The following DAAM1 variants were observed in gnomAD, a reference collection of about 807,000 sequenced individuals.
The protein encoded by DAAM1 is dishevelled associated activator of morphogenesis 1, also known as disheveled-associated activator of morphogenesis 1.
DAAM1 carries 52 observed loss-of-function variants against 130.0 expected under a neutral mutation model. The ratio of observed to expected loss-of-function variants is 0.40; its 90% CI spans 0.32 to 0.50. The LOEUF is 0.50. Ranked by LOEUF, DAAM1 falls within the 20% of genes least tolerant of loss-of-function variation. The probability of loss-of-function intolerance (pLI) is 0.61; values close to 1 mark genes in which losing one functional copy is unlikely to be tolerated. For missense variants in DAAM1, 1,134 were observed against 1,303.8 expected (o/e 0.87, Z 2.01); for synonymous variants, 452 against 444.5 (o/e 1.02, Z -0.21).
intron 2 of DAAM1, among the ~76,000 whole-genome samples, chr14:59,270,666 A>G (rs190742929): frequency 2.6e-5 from 4 of 152,282 alleles, no homozygotes; most frequent in African/African-American, 7.2e-5. Context: ...TCCTCTGGCT[A>G]CTTTAATTTT....
Position 59,224,691 on chromosome 14 carries a change from G to T in DAAM1, c.-38+35923G>T, listed in dbSNP as rs555975708. Among the ~76,000 whole-genome samples the T allele has an allele frequency of 5.3e-5, 8 of 152,232 alleles. No homozygotes were observed. The East Asian group carries it at 1.2e-3, about 22-fold the overall frequency. On this transcript the variant is annotated intron_variant, in intron 1 of 24. Coordinates refer to ENST00000360909, the MANE Select transcript of DAAM1 (RefSeq NM_001270520.2). ...GAGGTGGAATTAATGTATTTTGCAC[G>T]TGAGAAAAACATGAATTTTGGAGGG...
chr14:59,191,527 C>T (rs764466934), intron 1 of DAAM1, among the ~76,000 whole-genome samples: 5 of 152,072 alleles, frequency 3.3e-5, no homozygotes, highest in Non-Finnish European at 7.4e-5. Context: ...TGGTAATATT[C>T]CCCTTAGCTT....
At chr14:59,360,269 T>C (rs918008461) in intron 21 of DAAM1, among the ~76,000 whole-genome samples, 1 of 152,138 alleles carries the variant, frequency 6.6e-6, no homozygotes, top group African/African-American at 2.4e-5. Context: ...CCTTTCTCTA[T>C]TAAAAAAAAG....
chr14:59,305,354 T>C (rs1220958761), intron 3 of DAAM1, among the ~76,000 whole-genome samples: 1 of 152,256 alleles, frequency 6.6e-6, no homozygotes, highest in African/African-American at 2.4e-5. Flanking sequence ...ATATTTCTTT[T>C]TCTTTGCCAT....
intron 1 of DAAM1, among the ~76,000 whole-genome samples, chr14:59,259,264 C>G (rs1397962816): frequency 6.6e-6 from 1 of 152,122 alleles, no homozygotes; most frequent in Non-Finnish European, 1.5e-5. Context: ...AGACCCAGAC[C>G]TCGATTTACA....
chr14:59,349,072 C>T (rs1012583505), intron 17 of DAAM1, among the ~76,000 whole-genome samples: 1 of 152,230 alleles, frequency 6.6e-6, no homozygotes, highest in South Asian at 2.1e-4. Context: ...ACGTACCCTT[C>T]CCTCCCTTGC....
At chr14:59,318,664 A>G (rs1311648071) in intron 4 of DAAM1, among the ~76,000 whole-genome samples, 6 of 152,126 alleles carry the variant, frequency 3.9e-5, no homozygotes, top group Admixed American at 3.9e-4. Flanking sequence ...ATCCTCAGTT[A>G]TCTCAGCACG....
chr14:59,205,150 C>T (rs962576673), intron 1 of DAAM1, among the ~76,000 whole-genome samples: 2 of 152,182 alleles, frequency 1.3e-5, no homozygotes, highest in Non-Finnish European at 2.9e-5. Context: ...ACTCTTGTTA[C>T]AGCATGATTT....
rs762906405 is a variant in DAAM1, at chr14:59,359,539, C to T, written c.2633+35C>T. ...TACAGTGAGTGTTAGTTTCTTAAAT[C>T]ACTTGGATTGTGTGTTAGCCATTGA... On this transcript the variant is annotated intron_variant, in intron 21 of 24. Transcript: ENST00000360909. 6 of 1,536,308 alleles carry T rather than the reference C, an allele frequency of 3.9e-6. No homozygotes were observed. In the South Asian group the frequency reaches 5.6e-5, roughly 14 times the overall value.
intron 1 of DAAM1, among the ~76,000 whole-genome samples, chr14:59,209,528 A>ATT (rs1888364796): frequency 1.3e-5 from 2 of 152,202 alleles, no homozygotes; most frequent in Non-Finnish European, 1.5e-5. Context: ...TGTACTTTGA[A>ATT]TACCCATACA....
At chr14:59,248,080 GGTAA>G (rs1265977103) in intron 1 of DAAM1, among the ~76,000 whole-genome samples, 1 of 152,108 alleles carries the variant, frequency 6.6e-6, no homozygotes, top group East Asian at 1.9e-4. Flanking sequence ...ACTCTGGCTT[GGTAA>G]GTGAGTAGGA....
intron 1 of DAAM1, among the ~76,000 whole-genome samples, chr14:59,199,559 G>C (rs1171869628): frequency 6.6e-6 from 1 of 152,182 alleles, no homozygotes; most frequent in East Asian, 1.9e-4. Flanking sequence ...CCACACTCTA[G>C]TGCCTAATGC....
chr14:59,258,551 C>T (rs1882013979), intron 1 of DAAM1, among the ~76,000 whole-genome samples: 2 of 152,154 alleles, frequency 1.3e-5, no homozygotes, highest in Non-Finnish European at 2.9e-5. Context: ...CATATTAAAT[C>T]ATATATACTG....
At chr14:59,331,614 A>T in intron 14 of DAAM1, 106 bp downstream of exon 14, 1 of 1,510,988 alleles carries the variant, frequency 6.6e-7, no homozygotes, top group Non-Finnish European at 8.8e-7. Context: ...TTCATTTTCT[A>T]ATGTGGACCA....
intron 16 of DAAM1, among the ~76,000 whole-genome samples, chr14:59,343,449 C>G (rs1048256041): frequency 6.6e-6 from 1 of 152,160 alleles, no homozygotes; most frequent in African/African-American, 2.4e-5. Context: ...CCTTCTCACA[C>G]TTACTATCTT....
chr14:59,282,231 T>C (rs1321822689), intron 2 of DAAM1, among the ~76,000 whole-genome samples: 1 of 152,152 alleles, frequency 6.6e-6, no homozygotes, highest in Non-Finnish European at 1.5e-5. Context: ...TGATTGTTCA[T>C]TGTGTTGATC....
intron 12 of DAAM1, among the ~76,000 whole-genome samples, chr14:59,328,353 G>C (rs1342286943): frequency 6.6e-6 from 1 of 152,198 alleles, no homozygotes; most frequent in Non-Finnish European, 1.5e-5. Flanking sequence ...CTAAAAATCA[G>C]GGTAAAGAGA....
At chr14:59,360,689 A>T in intron 21 of DAAM1, 113 bp from the exon 22 acceptor site, 1 of 823,822 alleles carries the variant, frequency 1.2e-6, no homozygotes, top group Non-Finnish European at 1.8e-6. Flanking sequence ...AGGGAATTTT[A>T]AACATTTAAA....
In DAAM1 at chr14:59,224,368, T is replaced by C. The variant is rs560374034; in HGVS notation, c.-38+35600T>C. On this transcript the variant is annotated intron_variant, in intron 1 of 24. Coordinates refer to ENST00000360909, the MANE Select transcript of DAAM1 (RefSeq NM_001270520.2). ...TGGTGGGAATCATCACCCCTGCAAC[T>C]TTCAAATCCTTGATGGTGGCACATC... Among the ~76,000 whole-genome samples the C allele has an allele frequency of 5.4e-4, 82 of 152,358 alleles. 2 individuals carry two copies. In the South Asian group the frequency reaches 0.017, roughly 31 times the overall value.
Sources: gnomAD v4.1 joint callset for allele counts (sites outside exome capture counted in the v4.1 genomes callset) on GRCh38, gnomAD v4.1.1 for gene constraint, MANE v1.5 for transcripts, NCBI Gene and HGNC (gene_info 2026-07-23, HGNC 2026-07-21) for gene names.